The following STAB2 variants were observed in gnomAD, a reference collection of about 807,000 sequenced individuals.
The protein encoded by STAB2 is stabilin-2.
Under a neutral mutation model 338.1 loss-of-function variants are expected in STAB2, and 288 were observed. The ratio of observed to expected loss-of-function variants is 0.85; its 90% CI spans 0.77 to 0.94. The LOEUF is 0.94. STAB2 is among the 40% of genes least tolerant of loss of function. The pLI is 0.00. For synonymous variants in STAB2, 1,202 were observed against 1,193.3 expected (o/e 1.01, Z -0.15); for missense variants, 3,141 against 3,210.1 (o/e 0.98, Z 0.52).
chr12:103,763,648 G>A, intron 68 of STAB2, 40 bp downstream of exon 68: 1 of 1,540,208 alleles, frequency 6.5e-7, no homozygotes. Flanking sequence ...TTCCCTTGGG[G>A]TACAGGGGAA....
Position 103,742,433 on chromosome 12 carries a change from T to C in STAB2, c.5910T>C (p.Cys1970=). The C allele has an allele frequency of 2.5e-6, 4 of 1,614,138 alleles. No homozygotes were observed. The highest frequency in any genetic ancestry group is 3.4e-6 in the Non-Finnish European group (4 of 1,180,014). Reference sequence around the variant, plus strand: ...GCCCTGGAGGACCAGATGCCCCGTGTAATAACCGGGGTGTCTGCCTTGATC... The same window carrying C: ...GCCCTGGAGGACCAGATGCCCCGTGCAATAACCGGGGTGTCTGCCTTGATC... The part of the protein sequence containing the change: ...QACPGGPDAP[C]NNRGVCLDQY... The change falls in exon 56 of 69, where the codon TGT becomes TGC. Residue 1970 remains cysteine, a synonymous_variant. Coordinates refer to ENST00000388887, the MANE Select transcript of STAB2 (RefSeq NM_017564.10).
chr12:103,623,163 G>A (rs1025855407), intron 5 of STAB2, among the ~76,000 whole-genome samples: 1 of 152,188 alleles, frequency 6.6e-6, no homozygotes, highest in Non-Finnish European at 1.5e-5. Flanking sequence ...TATTAAGCCA[G>A]GTGCCACTGT....
intron 9 of STAB2, among the ~76,000 whole-genome samples, chr12:103,643,023 A>C (rs931726733): frequency 3.9e-5 from 6 of 152,154 alleles, no homozygotes; most frequent in Non-Finnish European, 8.8e-5. Context: ...GCTTATAAAC[A>C]ACAGGAATTT....
At chr12:103,619,884 A>G (rs17034229) in intron 3 of STAB2, among the ~76,000 whole-genome samples, 7,963 of 151,828 alleles carry the variant, frequency 0.052, 424 homozygotes, top group African/African-American at 0.13. Flanking sequence ...CCTCTTCCTG[A>G]AATATCCTTT....
chr12:103,718,338 C>T (rs1880495692), intron 44 of STAB2, among the ~76,000 whole-genome samples: 1 of 139,772 alleles, frequency 7.2e-6, no homozygotes, highest in Admixed American at 7.2e-5. Flanking sequence ...CTACTCTCAC[C>T]CCACAACTAC....
chr12:103,745,493 C>T (rs539611819), intron 57 of STAB2, among the ~76,000 whole-genome samples: 1 of 152,310 alleles, frequency 6.6e-6, no homozygotes, highest in East Asian at 1.9e-4. Flanking sequence ...ACCTATGAAA[C>T]TAGCATGTCA....
At chr12:103,664,752 A>G (rs1384035052) in intron 18 of STAB2, among the ~76,000 whole-genome samples, 3 of 152,198 alleles carry the variant, frequency 2.0e-5, no homozygotes, top group African/African-American at 7.2e-5. Context: ...AATTCTAGAT[A>G]TTTTAATTGA....
rs145281265 is a variant in STAB2 at position 103,675,945 on chromosome 12, G to T, written c.2570G>T (p.Gly857Val). Residue 857 changes from glycine to valine, a missense_variant, in exon 24 of 69, where the codon GGA becomes GTA. Gly to Val is a moderately radical substitution (Grantham distance 109, BLOSUM62 -3). Coordinates refer to ENST00000388887, the MANE Select transcript of STAB2 (RefSeq NM_017564.10). ...NGTASCICKAGYEGDGTLCSE... is the reference protein window; with the variant it reads ...NGTASCICKAVYEGDGTLCSE... ...CTTTGCAGTTGTATTTGCAAAGCAG[G>T]ATATGAAGGAGATGGAACTCTGTGT... 6 of 1,612,904 alleles carry T rather than the reference G, an allele frequency of 3.7e-6. No individual in the cohort carries two copies. Among genetic ancestry groups the T allele is most frequent in the East Asian group, 4.5e-5 (2 of 44,856 alleles).
intron 63 of STAB2, 114 bp downstream of exon 63, chr12:103,755,832 G>C (rs1425616192): frequency 4.2e-6 from 4 of 949,312 alleles, no homozygotes; most frequent in Non-Finnish European, 6.5e-6. Context: ...GAGCATGGGT[G>C]CTGGACCACC....
At chr12:103,672,906 A>G (rs1200958751) in intron 22 of STAB2, among the ~76,000 whole-genome samples, 17 of 152,302 alleles carry the variant, frequency 1.1e-4, no homozygotes, top group Non-Finnish European at 1.5e-4. Flanking sequence ...TCCTGGTTTA[A>G]GTTTCTGCCT....
intron 3 of STAB2, among the ~76,000 whole-genome samples, chr12:103,595,026 A>G (rs957424055): frequency 1.3e-5 from 2 of 151,654 alleles, no homozygotes; most frequent in African/African-American, 4.8e-5. Flanking sequence ...ATACACATAT[A>G]CATAAAAATT....
intron 6 of STAB2, among the ~76,000 whole-genome samples, chr12:103,633,158 T>G (rs1381182789): frequency 6.6e-6 from 1 of 152,182 alleles, no homozygotes; most frequent in Admixed American, 6.5e-5. Flanking sequence ...CCTGCCAGTG[T>G]GCAGTGGACT....
intron 44 of STAB2, among the ~76,000 whole-genome samples, chr12:103,724,622 C>T (rs911258322): frequency 4.6e-5 from 7 of 152,274 alleles, no homozygotes; most frequent in South Asian, 4.1e-4. Flanking sequence ...GTTACCTTTT[C>T]CTATGATCAG....
At chr12:103,699,606 G>A (rs1878693063) in intron 34 of STAB2, among the ~76,000 whole-genome samples, 1 of 152,154 alleles carries the variant, frequency 6.6e-6, no homozygotes, top group African/African-American at 2.4e-5. Context: ...CCTCCTACCA[G>A]GTCCCTCCCA....
intron 39 of STAB2, among the ~76,000 whole-genome samples, chr12:103,709,814 A>G (rs1168839763): frequency 1.3e-5 from 2 of 152,170 alleles, no homozygotes; most frequent in Non-Finnish European, 2.9e-5. Context: ...GCAGGAAGCA[A>G]TGGGGTCACA....
rs1227189023 is a variant in STAB2 at position 103,733,319 on chromosome 12, C to T, written c.5460+137C>T. ...ATGCAGGAAGCCACAGCATCCCCTGCCCCACTGTGTCCTCCTCTGACTGGC... is the reference window on the plus strand; with the variant it reads ...ATGCAGGAAGCCACAGCATCCCCTGTCCCACTGTGTCCTCCTCTGACTGGC... On this transcript the variant is annotated intron_variant, in intron 51 of 68. Coordinates refer to ENST00000388887, the MANE Select transcript of STAB2 (RefSeq NM_017564.10). The T allele has an allele frequency of 7.9e-6, 8 of 1,009,644 alleles. No homozygotes were observed. The South Asian group carries it at 1.0e-4, about 13-fold the overall frequency. 62.5% of individuals were successfully genotyped at this position (1,009,644 alleles called of 1,614,324 possible).
chr12:103,707,094 A>T, intron 38 of STAB2, 107 bp downstream of exon 38: 1 of 1,287,572 alleles, frequency 7.8e-7, no homozygotes, highest in Non-Finnish European at 1.1e-6. Context: ...TGTCGCCCCA[A>T]GTGGGCTGGA....
At chr12:103,606,834 A>C (rs575607599) in intron 3 of STAB2, among the ~76,000 whole-genome samples, 1 of 152,082 alleles carries the variant, frequency 6.6e-6, no homozygotes, top group Admixed American at 6.5e-5. Context: ...AATACAAAAA[A>C]TTGGCTGGGC....
At chr12:103,637,853 G>A (rs1420692234) in intron 7 of STAB2, among the ~76,000 whole-genome samples, 163 bp from the exon 8 acceptor site, 1 of 152,194 alleles carries the variant, frequency 6.6e-6, no homozygotes, top group Non-Finnish European at 1.5e-5. Context: ...ATTTCTGATG[G>A]CCATACATAA....
Sources: allele counts gnomAD v4.1 joint callset (sites outside exome capture counted in the v4.1 genomes callset), GRCh38; gene constraint gnomAD v4.1.1; transcripts MANE v1.5; gene names NCBI Gene and HGNC (gene_info 2026-07-23, HGNC 2026-07-21).